The following CSMD1 variants were observed in gnomAD, a reference collection of about 807,000 sequenced individuals.
CSMD1 encodes the protein CUB and sushi domain-containing protein 1.
Under a neutral mutation model 417.5 loss-of-function variants are expected in CSMD1, and 213 were observed. The ratio of observed to expected loss-of-function variants is 0.51; its 90% confidence interval spans 0.46 to 0.57. The LOEUF is 0.57. CSMD1 is among the 20% of genes least tolerant of loss of function. The pLI is 0.00. For synonymous variants in CSMD1, 2,862 were observed against 1,736.8 expected (o/e 1.65, Z -16.11); for missense variants, 6,923 against 4,529.7 (o/e 1.53, Z -15.17).
chr8:4,058,275 T>C (rs2130726705), intron 3 of CSMD1, among the ~76,000 whole-genome samples: 1 of 152,214 alleles, frequency 6.6e-6, no homozygotes, highest in Non-Finnish European at 1.5e-5. Context: ...GATTCCTAGG[T>C]ATTTTATTCT....
chr8:2,987,066 C>G (rs1226549884), intron 54 of CSMD1, among the ~76,000 whole-genome samples: 1 of 152,108 alleles, frequency 6.6e-6, no homozygotes, highest in Non-Finnish European at 1.5e-5. Context: ...AAAGTTACAA[C>G]TAATTCTTAA....
chr8:4,485,326 C>A (rs1018566160), intron 2 of CSMD1, among the ~76,000 whole-genome samples: 2 of 152,184 alleles, frequency 1.3e-5, no homozygotes, highest in Middle Eastern at 3.2e-3. Flanking sequence ...CAACCAAACT[C>A]TTCAAACAAC....
intron 3 of CSMD1, among the ~76,000 whole-genome samples, chr8:4,275,896 T>G (rs1000087233): frequency 6.6e-6 from 1 of 152,196 alleles, no homozygotes; most frequent in Non-Finnish European, 1.5e-5. Context: ...TAAATTAACT[T>G]GCACAAAAAC....
intron 19 of CSMD1, among the ~76,000 whole-genome samples, chr8:3,367,535 C>T (rs781586360): frequency 7.9e-5 from 12 of 152,014 alleles, no homozygotes; most frequent in Admixed American, 4.6e-4. Context: ...TTAGACACAT[C>T]AAGCCTTAAT....
chr8:3,399,166 C>T (rs1284552351), intron 16 of CSMD1, among the ~76,000 whole-genome samples: 2 of 152,166 alleles, frequency 1.3e-5, no homozygotes, highest in African/African-American at 4.8e-5. Context: ...TCCTCCAGGA[C>T]TGGCAGTTCC....
chr8:4,243,121 C>G (rs1296691134), intron 3 of CSMD1, among the ~76,000 whole-genome samples: 1 of 152,030 alleles, frequency 6.6e-6, no homozygotes, highest in Non-Finnish European at 1.5e-5. Context: ...TGTGGAAAAT[C>G]AGACAAATTG....
chr8:4,783,695 G>T (rs1262391101), intron 1 of CSMD1, among the ~76,000 whole-genome samples: 1 of 152,130 alleles, frequency 6.6e-6, no homozygotes, highest in African/African-American at 2.4e-5. Context: ...ACTCAGAAGG[G>T]TGTCAATTAT....
chr8:4,584,687 C>G (rs1324408791), intron 2 of CSMD1, among the ~76,000 whole-genome samples: 1 of 152,056 alleles, frequency 6.6e-6, no homozygotes, highest in African/African-American at 2.4e-5. Flanking sequence ...AGCATGTCGC[C>G]CAAGCCAGAC....
intron 5 of CSMD1, among the ~76,000 whole-genome samples, chr8:3,779,813 G>A (rs769353242): frequency 3.3e-5 from 5 of 152,160 alleles, no homozygotes; most frequent in Non-Finnish European, 7.4e-5. Context: ...ATTGAGCTGA[G>A]ACATATTTAA....
At chr8:3,068,372 G>C (rs62488314) in intron 49 of CSMD1, among the ~76,000 whole-genome samples, 1 of 151,922 alleles carries the variant, frequency 6.6e-6, no homozygotes, top group Non-Finnish European at 1.5e-5. Context: ...GACTCTCCAA[G>C]ACTCAGGACT....
At chr8:4,876,811 TA>T (rs1803071691) in intron 1 of CSMD1, among the ~76,000 whole-genome samples, 1 of 152,054 alleles carries the variant, frequency 6.6e-6, no homozygotes, top group Non-Finnish European at 1.5e-5. Context: ...TTCTCAGATC[TA>T]AATTAGTTCA....
intron 20 of CSMD1, among the ~76,000 whole-genome samples, chr8:3,366,183 T>C (rs13274131): frequency 6.6e-6 from 1 of 151,992 alleles, no homozygotes; most frequent in Non-Finnish European, 1.5e-5. Context: ...AAATGCAAGT[T>C]AATATGATTG....
chr8:3,700,105 G>T lies in CSMD1; in HGVS notation c.1009+8309C>A, dbSNP rs146300964. The stretch of plus-strand genomic sequence containing the variant: ...ATACAAAGGGCTCTGTGGACGTTGG[G>T]GGAAGAGTGGGAGTGGGGCGAGGGA... On this transcript the variant is annotated intron_variant, in intron 7 of 69. Transcript: ENST00000635120. 2.0e-5 allele frequency among the ~76,000 whole-genome samples: 3 copies of T among 152,264 alleles called. No homozygotes were observed. The East Asian group carries it at 5.8e-4, about 29-fold the overall frequency.
chr8:4,641,819 C>T (rs1322416370), intron 1 of CSMD1, among the ~76,000 whole-genome samples: 6 of 152,030 alleles, frequency 3.9e-5, no homozygotes, highest in Admixed American at 2.0e-4. Flanking sequence ...TAAATTCTGT[C>T]GTTCTTTAAA....
chr8:4,199,679 G>A (rs1585009131), intron 3 of CSMD1, among the ~76,000 whole-genome samples: 2 of 152,206 alleles, frequency 1.3e-5, no homozygotes, highest in East Asian at 1.9e-4. Context: ...GACAGGCAAG[G>A]CAGTCCAGAT....
At chr8:3,774,672 A>G (rs1798804707) in intron 5 of CSMD1, among the ~76,000 whole-genome samples, 1 of 152,174 alleles carries the variant, frequency 6.6e-6, no homozygotes, top group Non-Finnish European at 1.5e-5. Flanking sequence ...CAGTGAAAAA[A>G]TCAGTTTGAC....
intron 3 of CSMD1, among the ~76,000 whole-genome samples, chr8:4,297,889 A>T (rs1797771839): frequency 6.6e-6 from 1 of 152,186 alleles, no homozygotes; most frequent in African/African-American, 2.4e-5. Flanking sequence ...AAATTTATCG[A>T]ATGTTTTAAA....
chr8:3,057,430 C>G (rs1812307605), intron 49 of CSMD1, among the ~76,000 whole-genome samples: 2 of 151,986 alleles, frequency 1.3e-5, no homozygotes, highest in Admixed American at 1.3e-4. Context: ...GAATCATCAA[C>G]TATATGTGTA....
intron 3 of CSMD1, among the ~76,000 whole-genome samples, chr8:4,055,278 A>G (rs188633689): frequency 0.01 from 1,555 of 152,266 alleles, 24 homozygotes; most frequent in African/African-American, 0.027. Flanking sequence ...CAATTTTTGT[A>G]TTATTGTTTT....
Sources: allele counts gnomAD v4.1 joint callset (sites outside exome capture counted in the v4.1 genomes callset), GRCh38; gene constraint gnomAD v4.1.1; transcripts MANE v1.5; gene names NCBI Gene and HGNC (gene_info 2026-07-23, HGNC 2026-07-21).